Variants in DLC1 observed in about 807,000 individuals in gnomAD.
The protein encoded by DLC1 is DLC1 Rho GTPase activating protein, also known as rho GTPase-activating protein 7.
Under a neutral mutation model 140.3 loss-of-function variants are expected in DLC1, and 54 were observed. The ratio of observed to expected loss-of-function variants is 0.38; its 90% CI spans 0.31 to 0.48. The LOEUF is 0.48. DLC1 is among the 20% of genes least tolerant of loss of function. The probability of loss-of-function intolerance (pLI) is 0.96; values close to 1 mark genes in which losing one functional copy is unlikely to be tolerated. For missense variants in DLC1, 2,536 were observed against 1,907.0 expected (o/e 1.33, Z -6.14); for synonymous variants, 986 against 728.1 (o/e 1.35, Z -5.70).
chr8:13,447,459 T>G (rs561052514), intron 2 of DLC1, among the ~76,000 whole-genome samples: 7 of 152,292 alleles, frequency 4.6e-5, no homozygotes, highest in Admixed American at 3.9e-4. Context: ...ATCAAATATT[T>G]TATTGTTATT....
chr8:13,480,122 T>A (rs1398918821), intron 2 of DLC1, among the ~76,000 whole-genome samples: 2 of 152,232 alleles, frequency 1.3e-5, no homozygotes, highest in East Asian at 3.9e-4. Context: ...GACATATAGA[T>A]CTTCTAATAT....
upstream of DLC1, among the ~76,000 whole-genome samples, chr8:13,516,201 T>C (rs1030418321): frequency 2.6e-5 from 4 of 152,170 alleles, no homozygotes; most frequent in Admixed American, 2.0e-4. Context: ...AATTATTAGG[T>C]CTATCTGCTT....
chr8:13,489,412 TACACACACACAC>T (rs10558551), intron 2 of DLC1, among the ~76,000 whole-genome samples: 8 of 132,356 alleles, frequency 6.0e-5, no homozygotes, highest in Admixed American at 4.7e-4. Flanking sequence ...ACACACACCA[TACACACACACAC>T]ACACACACAC....
chr8:13,386,145 A>G (rs573660192), intron 4 of DLC1, among the ~76,000 whole-genome samples: 1 of 152,188 alleles, frequency 6.6e-6, no homozygotes, highest in Non-Finnish European at 1.5e-5. Context: ...AATTTTTCTC[A>G]TTGTAATGAT....
chr8:13,446,756 C>T (rs979970566), intron 2 of DLC1, among the ~76,000 whole-genome samples: 3 of 152,130 alleles, frequency 2.0e-5, no homozygotes, highest in Non-Finnish European at 2.9e-5. Flanking sequence ...GCCTGGCCAA[C>T]ATGGTGAAAC....
intron 1 of DLC1, among the ~76,000 whole-genome samples, chr8:13,586,032 A>C (rs1242521397): frequency 6.6e-6 from 1 of 152,210 alleles, no homozygotes; most frequent in African/African-American, 2.4e-5. Context: ...CAAGGGAATG[A>C]TTCTCAACCA....
At chr8:13,551,487 C>T (rs190369577) in intron 1 of DLC1, among the ~76,000 whole-genome samples, 2 of 152,116 alleles carry the variant, frequency 1.3e-5, no homozygotes, top group African/African-American at 2.4e-5. Flanking sequence ...TCTTTCCCTC[C>T]AACCTCTTTC....
intron 5 of DLC1, among the ~76,000 whole-genome samples, chr8:13,200,309 G>A (rs532131446): frequency 9.9e-5 from 15 of 151,840 alleles, no homozygotes; most frequent in Middle Eastern, 3.4e-3. Context: ...TGATCTGCCC[G>A]CCTCGGCCTC....
intron 4 of DLC1, among the ~76,000 whole-genome samples, chr8:13,374,123 A>G (rs1262558481): frequency 6.6e-6 from 1 of 152,316 alleles, no homozygotes; most frequent in African/African-American, 2.4e-5. Flanking sequence ...ATCTGTATTT[A>G]ATGTATAATT....
chr8:13,554,766 C>T (rs1223907777), intron 1 of DLC1, among the ~76,000 whole-genome samples: 1 of 152,194 alleles, frequency 6.6e-6, no homozygotes, highest in Non-Finnish European at 1.5e-5. Flanking sequence ...CTCTGGTTCT[C>T]ATTCCACCTC....
intron 1 of DLC1, among the ~76,000 whole-genome samples, chr8:13,547,145 A>C (rs1320699627): frequency 1.3e-5 from 2 of 152,138 alleles, no homozygotes; most frequent in East Asian, 3.9e-4. Context: ...ATTATCTTGT[A>C]TGAAGAACAG....
intron 2 of DLC1, among the ~76,000 whole-genome samples, chr8:13,419,202 T>G (rs999018491): frequency 2.6e-5 from 4 of 152,010 alleles, no homozygotes; most frequent in African/African-American, 9.7e-5. Flanking sequence ...TGAATACCGT[T>G]TATTTCCTTC....
upstream of DLC1, among the ~76,000 whole-genome samples, chr8:13,519,087 C>T (rs527991970): frequency 1.3e-5 from 2 of 151,460 alleles, no homozygotes; most frequent in South Asian, 4.2e-4. Context: ...GGTGTGCTGC[C>T]CCCATCAACT....
chr8:13,388,330 GTTC>G (rs1439283549), intron 4 of DLC1, among the ~76,000 whole-genome samples: 1 of 151,926 alleles, frequency 6.6e-6, no homozygotes, highest in Non-Finnish European at 1.5e-5. Flanking sequence ...ATTAACCTTT[GTTC>G]TTCTACCTTA....
intron 4 of DLC1, chr8:13,353,441 T>TG (rs1486290315): frequency 1.3e-5 from 2 of 150,426 alleles, no homozygotes; most frequent in African/African-American, 2.5e-5. Context: ...ATGACTAGAG[T>TG]GGGAATGAGT....
Position 13,162,214 on chromosome 8 carries a change from A to T in DLC1, c.1349-46557T>A, listed in dbSNP as rs373837904. ...AGATCAGGAAAAGGCAAACAATTCTATGGTCTTGGCAGATGAGCTAAACCA... is the reference window on the plus strand; with the variant it reads ...AGATCAGGAAAAGGCAAACAATTCTTTGGTCTTGGCAGATGAGCTAAACCA... On this transcript the variant is annotated intron_variant, in intron 5 of 17. Coordinates refer to ENST00000276297, the MANE Select transcript of DLC1 (RefSeq NM_182643.3). Among the ~76,000 whole-genome samples, 12 of 152,334 alleles carry T rather than the reference A, an allele frequency of 7.9e-5. No homozygotes were observed. In the East Asian group the frequency reaches 2.1e-3, roughly 27 times the overall value.
intron 5 of DLC1, among the ~76,000 whole-genome samples, chr8:13,223,281 C>A (rs544438355): frequency 6.6e-6 from 1 of 152,166 alleles, no homozygotes; most frequent in Non-Finnish European, 1.5e-5. Context: ...ACTAGAACAA[C>A]CCCGCCCCCA....
At chr8:13,127,045 T>C (rs7010504) in intron 5 of DLC1, among the ~76,000 whole-genome samples, 19,853 of 152,210 alleles carry the variant, frequency 0.13, 2,125 homozygotes, top group African/African-American at 0.29. Context: ...CATTTCTATG[T>C]CAAACCTCAA....
chr8:13,290,141 T>C (rs1831703321), intron 5 of DLC1, among the ~76,000 whole-genome samples: 1 of 152,222 alleles, frequency 6.6e-6, no homozygotes, highest in South Asian at 2.1e-4. Flanking sequence ...GACTTTTTGG[T>C]AGTCATCGAG....
Sources: allele counts gnomAD v4.1 joint callset (sites outside exome capture counted in the v4.1 genomes callset), GRCh38; gene constraint gnomAD v4.1.1; transcripts MANE v1.5; gene names NCBI Gene and HGNC (gene_info 2026-07-23, HGNC 2026-07-21).